The following VOPP1 variants were observed in gnomAD, a reference collection of about 807,000 sequenced individuals.
The protein encoded by VOPP1 is WW domain binding protein VOPP1.
VOPP1 carries 8 observed loss-of-function variants against 23.5 expected under a neutral mutation model. The observed-to-expected ratio is 0.34, with a 90% CI of 0.20 to 0.61. The LOEUF is 0.61. Among genes scored for constraint, VOPP1 ranks in the 20% least tolerant of loss-of-function variants. The pLI is 0.78. For synonymous variants in VOPP1, 83 were observed against 97.3 expected (o/e 0.85, Z 0.86); for missense variants, 174 against 238.1 (o/e 0.73, Z 1.77).
At chr7:55,522,398 TTTTA>T (rs1795924139) in intron 1 of VOPP1, among the ~76,000 whole-genome samples, 1 of 151,814 alleles carries the variant, frequency 6.6e-6, no homozygotes, top group Admixed American at 6.6e-5. Flanking sequence ...GGAAAATGAG[TTTTA>T]TTTAGACTAG....
At chr7:55,455,810 GA>G (rs1791351366) in intron 4 of VOPP1, among the ~76,000 whole-genome samples, 1 of 152,152 alleles carries the variant, frequency 6.6e-6, no homozygotes, top group African/African-American at 2.4e-5. Flanking sequence ...ACTCAAGATG[GA>G]TTAAATACTT....
At chr7:55,531,950 C>G (rs1346557873) in intron 1 of VOPP1, among the ~76,000 whole-genome samples, 12 of 152,204 alleles carry the variant, frequency 7.9e-5, no homozygotes. Context: ...CTTTTGCAGA[C>G]AGAAATGCCC....
chr7:55,560,784 A>C (rs996724864), intron 1 of VOPP1, among the ~76,000 whole-genome samples: 5 of 151,814 alleles, frequency 3.3e-5, no homozygotes, highest in African/African-American at 1.2e-4. Context: ...CACCTGTCCC[A>C]TACCCTCACC....
chr7:55,477,780 CTG>C (rs1421694359), intron 4 of VOPP1, among the ~76,000 whole-genome samples: 2 of 152,340 alleles, frequency 1.3e-5, no homozygotes, highest in East Asian at 3.9e-4. Context: ...AATGAATAAA[CTG>C]TGTACTTGTC....
At chr7:55,541,023 C>T (rs751454256) in intron 1 of VOPP1, among the ~76,000 whole-genome samples, 39 of 152,002 alleles carry the variant, frequency 2.6e-4, no homozygotes, top group Admixed American at 2.6e-4. Flanking sequence ...CCCGCAGAAA[C>T]GGGAAAAAAA....
Position 55,521,111 on chromosome 7 carries a change from T to A in VOPP1, c.74A>T (p.His25Leu). ...ATAGAGTCCTTCGAAATACCAGCAA[T>A]GCTTTTTGGCTTCTGTGCACTGCAA... is the stretch of plus-strand genomic sequence containing the variant. ...LLLECTEAKK[H>L]CWYFEGLYPT... Residue 25 changes from histidine to leucine, a missense_variant, in exon 2 of 5, where the codon CAT becomes CTT. By Grantham distance (99) the His-to-Leu change is moderately conservative (BLOSUM62 -3). Transcript: ENST00000285279. 6.3e-7 allele frequency: 1 copy of A among 1,583,012 alleles called. No homozygotes were observed. Among genetic ancestry groups the A allele is most frequent in the Non-Finnish European group, 8.6e-7 (1 of 1,163,528 alleles).
At chr7:55,480,349 T>C (rs1792613522) in intron 4 of VOPP1, among the ~76,000 whole-genome samples, 1 of 152,234 alleles carries the variant, frequency 6.6e-6, no homozygotes, top group Non-Finnish European at 1.5e-5. Context: ...TTTGCCATCT[T>C]ACCAGATTTT....
chr7:55,527,529 T>C (rs546530596), intron 1 of VOPP1, among the ~76,000 whole-genome samples: 1 of 152,240 alleles, frequency 6.6e-6, no homozygotes, highest in Admixed American at 6.5e-5. Context: ...TTCTGTCAAC[T>C]CTCCTAGACT....
At chr7:55,436,641 CGTGCGTGGGTGTGT>C (rs1277585717) in intron 4 of VOPP1, among the ~76,000 whole-genome samples, 2 of 135,508 alleles carry the variant, frequency 1.5e-5, no homozygotes, top group African/African-American at 2.6e-5. Flanking sequence ...CGTGTGTGTG[CGTGCGTGGGTGTGT>C]GTGCGTGTGT....
chr7:55,514,076 G>C (rs145047567), intron 2 of VOPP1, among the ~76,000 whole-genome samples: 4 of 152,110 alleles, frequency 2.6e-5, no homozygotes, highest in Non-Finnish European at 5.9e-5. Flanking sequence ...TGGGAGCGGC[G>C]CCCTTTCTCA....
At chr7:55,440,709 C>T (rs1790943016) in intron 4 of VOPP1, among the ~76,000 whole-genome samples, 1 of 152,220 alleles carries the variant, frequency 6.6e-6, no homozygotes, top group South Asian at 2.1e-4. Context: ...GTGTGCCTGG[C>T]ACAGGCTGTC....
intron 2 of VOPP1, among the ~76,000 whole-genome samples, chr7:55,514,468 A>G (rs939526799): frequency 1.2e-4 from 18 of 152,172 alleles, no homozygotes; most frequent in Admixed American, 2.6e-4. Context: ...TTCCATCCCC[A>G]AAGAATGCTT....
chr7:55,500,645 CAAG>C (rs1794301061), intron 2 of VOPP1, among the ~76,000 whole-genome samples: 1 of 152,186 alleles, frequency 6.6e-6, no homozygotes, highest in South Asian at 2.1e-4. Flanking sequence ...GCCACAGAGT[CAAG>C]AAGAACACAG....
chr7:55,489,657 C>A (rs1360602331), intron 4 of VOPP1, among the ~76,000 whole-genome samples: 3 of 152,110 alleles, frequency 2.0e-5, no homozygotes, highest in Non-Finnish European at 4.4e-5. Flanking sequence ...AAATATGGGC[C>A]AAGACAGCAA....
At chr7:55,570,734 G>T (rs1798321424) in intron 1 of VOPP1, among the ~76,000 whole-genome samples, 1 of 152,140 alleles carries the variant, frequency 6.6e-6, no homozygotes, top group South Asian at 2.1e-4. Flanking sequence ...CTGAGGTCAG[G>T]AGTTCGAGAC....
intron 2 of VOPP1, chr7:55,515,798 A>C (rs1385217110): frequency 5.8e-6 from 1 of 171,372 alleles, no homozygotes; most frequent in Non-Finnish European, 1.2e-5. Flanking sequence ...CATCGGACTG[A>C]GTTCCCGCAT....
intron 1 of VOPP1, chr7:55,571,984 C>T: frequency 5.4e-6 from 2 of 371,558 alleles, no homozygotes; most frequent in Non-Finnish European, 9.8e-6. Context: ...CAAAGGTCAC[C>T]CCGAGCTAAC....
chr7:55,513,007 CATTA>C (rs1795182174), intron 2 of VOPP1, among the ~76,000 whole-genome samples: 1 of 152,236 alleles, frequency 6.6e-6, no homozygotes, highest in Non-Finnish European at 1.5e-5. Context: ...CCACTCACAG[CATTA>C]ATTATTCACA....
chr7:55,522,229 C>T (rs1261858712), intron 1 of VOPP1, among the ~76,000 whole-genome samples: 1 of 152,204 alleles, frequency 6.6e-6, no homozygotes, highest in African/African-American at 2.4e-5. Flanking sequence ...ACAGGCCCCA[C>T]ATCTACAGTG....
Sources: gnomAD v4.1 joint callset for allele counts (sites outside exome capture counted in the v4.1 genomes callset) on GRCh38, gnomAD v4.1.1 for gene constraint, MANE v1.5 for transcripts, NCBI Gene and HGNC (gene_info 2026-07-23, HGNC 2026-07-21) for gene names.